COL4A2: variants seen among roughly 807,000 people sequenced by gnomAD.
The protein encoded by COL4A2 is collagen type IV alpha 2 chain.
COL4A2 carries 99 observed loss-of-function variants against 200.2 expected under a neutral mutation model. That is an observed-to-expected ratio of 0.49 (90% CI 0.42 to 0.58). The LOEUF is 0.58. Among genes scored for constraint, COL4A2 ranks in the 20% least tolerant of loss-of-function variants. The probability of loss-of-function intolerance (pLI) is 0.00; values close to 1 mark genes in which losing one functional copy is unlikely to be tolerated. For missense variants in COL4A2, 1,950 were observed against 2,314.1 expected (o/e 0.84, Z 3.23); for synonymous variants, 897 against 900.6 (o/e 1.00, Z 0.07).
At chr13:110,339,079 G>A (rs2139369701) in intron 3 of COL4A2, among the ~76,000 whole-genome samples, 1 of 152,296 alleles carries the variant, frequency 6.6e-6, no homozygotes, top group East Asian at 1.9e-4. Context: ...AGATGATGGG[G>A]CCAGCTCTTT....
intron 28 of COL4A2, among the ~76,000 whole-genome samples, chr13:110,472,262 TCC>T (rs1566553566): frequency 0.017 from 2,654 of 151,706 alleles, 44 homozygotes; most frequent in Non-Finnish European, 0.026. Flanking sequence ...ACTACAGGCA[TCC>T]GCCACCACAC....
chr13:110,456,237 G>A (rs966605233), intron 20 of COL4A2, among the ~76,000 whole-genome samples: 4 of 152,256 alleles, frequency 2.6e-5, no homozygotes, highest in Admixed American at 2.6e-4. Flanking sequence ...CAACATGGCT[G>A]ACCATGCTGA....
intron 3 of COL4A2, among the ~76,000 whole-genome samples, chr13:110,311,295 C>T (rs1315684265): frequency 6.6e-6 from 1 of 152,210 alleles, no homozygotes; most frequent in African/African-American, 2.4e-5. Flanking sequence ...CCTCAGGACA[C>T]ACTCCCTGCT....
At chr13:110,399,529 T>G (rs1879299632) in intron 4 of COL4A2, among the ~76,000 whole-genome samples, 1 of 152,206 alleles carries the variant, frequency 6.6e-6, no homozygotes, top group South Asian at 2.1e-4. Context: ...TTTACCTATT[T>G]TCTTTCCCAC....
chr13:110,352,593 C>T (rs1319458571), intron 3 of COL4A2, among the ~76,000 whole-genome samples: 1 of 152,186 alleles, frequency 6.6e-6, no homozygotes, highest in Non-Finnish European at 1.5e-5. Context: ...AAGGACCTCC[C>T]AGCCCCTTGC....
chr13:110,465,389 C>G lies in COL4A2; in HGVS notation c.1777-16C>G, dbSNP rs1882196815. 4 of 1,575,442 alleles carry G rather than the reference C, an allele frequency of 2.5e-6. No homozygotes were observed. The highest frequency in any genetic ancestry group is 3.4e-6 in the Non-Finnish European group (4 of 1,168,730). On this transcript the variant is annotated splice_polypyrimidine_tract_variant and intron_variant, in intron 24 of 47. Coordinates refer to ENST00000360467, the MANE Select transcript of COL4A2 (RefSeq NM_001846.4). ...ATTAGTATATATTTTAAGAAATAAA[C>G]TGAATTTTCACACAGGGTGATGGCA... is the stretch of plus-strand genomic sequence containing the variant.
chr13:110,400,247 C>T (rs146842706), intron 4 of COL4A2, among the ~76,000 whole-genome samples: 1,637 of 152,206 alleles, frequency 0.011, 19 homozygotes, highest in Admixed American at 0.035. Flanking sequence ...TCTTCAGATA[C>T]CTACTACAGA....
Position 110,485,005 on chromosome 13 carries a change from G to T in COL4A2, c.3003G>T (p.Leu1001=). 6.2e-7 allele frequency: 1 copy of T among 1,605,956 alleles called. No homozygotes were observed. The highest frequency in any genetic ancestry group is 8.5e-7 in the Non-Finnish European group (1 of 1,174,116). ...GEKGDEGPMG[L]KGYLGAKGIQ... is the part of the protein sequence containing the mutation. Reference sequence around the variant, plus strand: ...AAGGAGATGAAGGGCCTATGGGGCTGAAAGGATACCTGGGCGCAAAAGGTG... The same window carrying T: ...AAGGAGATGAAGGGCCTATGGGGCTTAAAGGATACCTGGGCGCAAAAGGTG... The change falls in exon 33 of 48, where the codon CTG becomes CTT. Residue 1001 remains leucine, a synonymous_variant. Transcript: ENST00000360467.
At chr13:110,310,570 TACTC>T (rs1388652992) in intron 3 of COL4A2, among the ~76,000 whole-genome samples, 1 of 152,268 alleles carries the variant, frequency 6.6e-6, no homozygotes, top group African/African-American at 2.4e-5. Flanking sequence ...GTCTTCTACT[TACTC>T]ACTTCTTGGT....
chr13:110,428,511 T>C lies in COL4A2; in HGVS notation c.405T>C (p.Asp135=), dbSNP rs1245793431. The C allele has an allele frequency of 1.9e-6, 3 of 1,586,572 alleles. No homozygotes were observed. The highest frequency in any genetic ancestry group is 1.9e-5 in the Admixed American group (1 of 53,576). The part of the protein sequence containing the change: ...QGGPRGRPGY[D]GCNGTQGDSG... The stretch of plus-strand genomic sequence containing the variant: ...GGCCCAGGGGAAGGCCGGGCTACGA[T>C]GGCTGCAACGGAACCCAGGGAGACT... Residue 135 remains aspartate, a synonymous_variant, in exon 7 of 48, where the codon GAT becomes GAC. Coordinates refer to ENST00000360467, the MANE Select transcript of COL4A2 (RefSeq NM_001846.4).
intron 3 of COL4A2, among the ~76,000 whole-genome samples, chr13:110,335,362 G>A (rs1876130119): frequency 6.6e-6 from 1 of 152,162 alleles, no homozygotes; most frequent in African/African-American, 2.4e-5. Flanking sequence ...ACTGAATCAT[G>A]AGGGCGGTTT....
At chr13:110,340,190 T>TCC (rs1224564053) in intron 3 of COL4A2, among the ~76,000 whole-genome samples, 1 of 152,132 alleles carries the variant, frequency 6.6e-6, no homozygotes, top group Non-Finnish European at 1.5e-5. Context: ...TGATCTCAGC[T>TCC]CACTGCAGCC....
chr13:110,348,737 T>C (rs1041317), intron 3 of COL4A2, among the ~76,000 whole-genome samples: 141,226 of 152,128 alleles, frequency 0.93, 66,440 homozygotes, highest in East Asian at 1. Context: ...ATGTTGATCT[T>C]GTTTGTCACT....
In COL4A2 at chr13:110,473,226, CG is replaced by C. The variant is rs1882549918; in HGVS notation, c.2425+81del. 10 of 1,390,114 alleles carry C rather than the reference CG, an allele frequency of 7.2e-6. No individual in the cohort carries two copies. The South Asian group carries it at 1.0e-4, about 14-fold the overall frequency. 86.1% of individuals were successfully genotyped at this position (1,390,114 alleles called of 1,614,324 possible). ...CTCCAAGGGCGACCCCAATCCCTTC[CG>C]GGGGATTTGGTAGGAAGCAGCGGTG... On this transcript the variant is annotated intron_variant, in intron 29 of 47. Transcript: ENST00000360467.
chr13:110,476,315 C>T (rs1388451706), intron 29 of COL4A2, among the ~76,000 whole-genome samples: 1 of 152,230 alleles, frequency 6.6e-6, no homozygotes, highest in Admixed American at 6.5e-5. Flanking sequence ...GCTCTTCACT[C>T]TAAAGATAGA....
chr13:110,442,396 G>T (rs1484473257), intron 16 of COL4A2, among the ~76,000 whole-genome samples: 2 of 152,214 alleles, frequency 1.3e-5, no homozygotes, highest in South Asian at 2.1e-4. Context: ...TGTGAGCACC[G>T]ATCTGCACCA....
Position 110,503,389 on chromosome 13 carries a change from G to C in COL4A2, c.4046G>C (p.Arg1349Thr), listed in dbSNP as rs1263862222. Reference sequence around the variant, plus strand: ...CGTCTTGTTTGTGTTGCAGGGCCCAGGGGTGAACAAGGCTTCATGGGGAAC... The same window carrying C: ...CGTCTTGTTTGTGTTGCAGGGCCCACGGGTGAACAAGGCTTCATGGGGAAC... Reference protein sequence around the residue: ...VFGLPGEKGPRGEQGFMGNTG... With the variant: ...VFGLPGEKGPTGEQGFMGNTG... The change falls in exon 43 of 48, where the codon AGG (arginine) becomes ACG (threonine). Residue 1349 changes from arginine (R) to threonine (T), a missense_variant. Around this residue, in one of 2 missense-constraint regions of COL4A2, gnomAD observed 1,385 missense variants for 1,720.5 expected, o/e 0.80. Transcript: ENST00000360467. The C allele has an allele frequency of 2.5e-6, 4 of 1,599,668 alleles. No homozygotes were observed. The highest frequency in any genetic ancestry group is 3.5e-5 in the Admixed American group (2 of 57,298).
At chr13:110,472,888 T>C in intron 28 of COL4A2, 41 bp from the exon 29 acceptor site, 2 of 1,531,278 alleles carry the variant, frequency 1.3e-6, no homozygotes, top group Non-Finnish European at 1.8e-6. Context: ...AACGTCACCA[T>C]GCTAACTTGT....
chr13:110,482,028 T>C (rs1451632212), intron 31 of COL4A2, among the ~76,000 whole-genome samples: 1 of 152,050 alleles, frequency 6.6e-6, no homozygotes, highest in Non-Finnish European at 1.5e-5. Context: ...ACACATGGGT[T>C]GGTCTTTCCA....
Sources: gnomAD v4.1 joint callset for allele counts (sites outside exome capture counted in the v4.1 genomes callset) on GRCh38, gnomAD v4.1.1 for gene constraint, gnomAD v4.1.1 regional missense constraint, MANE v1.5 for transcripts, NCBI Gene and HGNC (gene_info 2026-07-23, HGNC 2026-07-21) for gene names.